The following HACE1 variants were observed in gnomAD, a reference collection of about 807,000 sequenced individuals.
HACE1 encodes the protein E3 ubiquitin-protein ligase HACE1.
HACE1 carries 73 observed loss-of-function variants against 118.4 expected under a neutral mutation model. The ratio of observed to expected loss-of-function variants is 0.62; its 90% CI spans 0.51 to 0.75. HACE1 has a LOEUF of 0.75. Ranked by LOEUF, HACE1 falls within the 30% of genes least tolerant of loss-of-function variation. The pLI is 0.00. For synonymous variants in HACE1, 368 were observed against 374.8 expected (o/e 0.98, Z 0.21); for missense variants, 749 against 1,102.2 (o/e 0.68, Z 4.54).
chr6:104,750,857 T>C (rs1226071479), intron 19 of HACE1, among the ~76,000 whole-genome samples: 1 of 152,162 alleles, frequency 6.6e-6, no homozygotes, highest in Non-Finnish European at 1.5e-5. Flanking sequence ...CTCCACATCT[T>C]AGCCAGAGTG....
intron 9 of HACE1, 78 bp from the exon 10 acceptor site, chr6:104,795,763 G>T: frequency 2.4e-6 from 2 of 843,536 alleles, no homozygotes; most frequent in Non-Finnish European, 4.0e-6. Context: ...TACCTATTAA[G>T]TATCTTAAAG....
intron 19 of HACE1, among the ~76,000 whole-genome samples, chr6:104,764,770 C>T (rs972305251): frequency 6.6e-6 from 1 of 152,200 alleles, no homozygotes; most frequent in African/African-American, 2.4e-5. Context: ...CACTAACAAA[C>T]TCTGAAGGTA....
chr6:104,778,662 G>A lies in HACE1; in HGVS notation c.1567-1345C>T, dbSNP rs565189073. Among the ~76,000 whole-genome samples the A allele has an allele frequency of 7.2e-5, 11 of 152,046 alleles. No homozygotes were observed. The East Asian group carries it at 9.7e-4, about 13-fold the overall frequency. On this transcript the variant is annotated intron_variant, in intron 14 of 23. Coordinates refer to ENST00000262903, the MANE Select transcript of HACE1 (RefSeq NM_020771.4). ...AAAAAAATGTTTTAATTAGCCAAGCGTAGTGGTATGCGCCTACAGTCCTGG... is the reference window on the plus strand; with the variant it reads ...AAAAAAATGTTTTAATTAGCCAAGCATAGTGGTATGCGCCTACAGTCCTGG...
intron 1 of HACE1, among the ~76,000 whole-genome samples, chr6:104,857,846 A>G (rs1175977051): frequency 2.6e-5 from 4 of 151,788 alleles, no homozygotes; most frequent in African/African-American, 9.7e-5. Context: ...AGTCCCAACT[A>G]CTGGGAAGGC....
At chr6:104,849,270 T>C in intron 3 of HACE1, 24 bp from the exon 4 acceptor site, 1 of 1,276,460 alleles carries the variant, frequency 7.8e-7, no homozygotes, top group South Asian at 1.2e-5. Context: ...AAAAGACAGT[T>C]CAGATACATT....
intron 6 of HACE1, among the ~76,000 whole-genome samples, chr6:104,832,413 A>T (rs1774100925): frequency 1.3e-5 from 2 of 151,766 alleles, no homozygotes; most frequent in African/African-American, 2.4e-5. Flanking sequence ...TTGTTGTTTG[A>T]TACAGGCTCT....
chr6:104,811,941 T>C (rs1005876272), intron 6 of HACE1, among the ~76,000 whole-genome samples: 1 of 152,144 alleles, frequency 6.6e-6, no homozygotes, highest in Non-Finnish European at 1.5e-5. Context: ...GAAGCCCTTT[T>C]GCTATTAACA....
At chr6:104,746,529 A>G (rs1777442167) in intron 20 of HACE1, among the ~76,000 whole-genome samples, 1 of 152,208 alleles carries the variant, frequency 6.6e-6, no homozygotes, top group African/African-American at 2.4e-5. Flanking sequence ...TCTTTGCAGT[A>G]GCTATGGCTC....
At position 104,796,179 on chromosome 6, in the gene HACE1, C is replaced by T. The variant is rs530928517; in HGVS notation, c.816+476G>A. Reference sequence around the variant, plus strand: ...AGTGTAGTGGGCAGTGACATGATCTCGGCTCACTGCAGGCTCAACCTCCTG... The same window carrying T: ...AGTGTAGTGGGCAGTGACATGATCTTGGCTCACTGCAGGCTCAACCTCCTG... On this transcript the variant is annotated intron_variant, in intron 9 of 23. Coordinates refer to ENST00000262903, the MANE Select transcript of HACE1 (RefSeq NM_020771.4). Among the ~76,000 whole-genome samples the T allele has an allele frequency of 3.1e-4, 47 of 152,234 alleles. 1 individual carries two copies. Among genetic ancestry groups the T allele is most frequent in the African/African-American group, 1.1e-3 (46 of 41,544 alleles).
At chr6:104,849,896 C>T (rs992154989) in intron 3 of HACE1, among the ~76,000 whole-genome samples, 12 of 150,922 alleles carry the variant, frequency 8.0e-5, no homozygotes, top group African/African-American at 1.7e-4. Context: ...AAGATCCGCC[C>T]GCCTCGGCCT....
chr6:104,829,946 G>A (rs1773695727), intron 6 of HACE1, among the ~76,000 whole-genome samples: 1 of 152,176 alleles, frequency 6.6e-6, no homozygotes, highest in East Asian at 1.9e-4. Flanking sequence ...AACTTCAGAA[G>A]GCAATTCTAA....
intron 17 of HACE1, among the ~76,000 whole-genome samples, chr6:104,776,398 T>C (rs1162808925): frequency 1.3e-5 from 2 of 152,208 alleles, no homozygotes; most frequent in African/African-American, 4.8e-5. Context: ...ATTCAAAAAA[T>C]GTAGACTCAA....
chr6:104,845,573 GT>G (rs1321264137), intron 4 of HACE1, among the ~76,000 whole-genome samples: 1 of 151,028 alleles, frequency 6.6e-6, no homozygotes, highest in African/African-American at 2.4e-5. Context: ...CTCCTCCCAG[GT>G]TCACGCCATT....
chr6:104,799,236 T>C (rs556683217), intron 7 of HACE1, among the ~76,000 whole-genome samples: 1 of 152,354 alleles, frequency 6.6e-6, no homozygotes, highest in East Asian at 1.9e-4. Flanking sequence ...GTCACTATAC[T>C]TTTGAGTTCC....
At chr6:104,816,296 C>T (rs577825414) in intron 6 of HACE1, among the ~76,000 whole-genome samples, 2 of 152,314 alleles carry the variant, frequency 1.3e-5, no homozygotes, top group African/African-American at 4.8e-5. Flanking sequence ...GGCCTGGAGG[C>T]CTAGGAGGGG....
At position 104,821,617 on chromosome 6, in the gene HACE1, T is replaced by C. The variant is rs547849708; in HGVS notation, c.535-10224A>G. ...ATGCATCTTTCGAGGAAGGTGATAT[T>C]CTCTTCACTTTTATAAGCAGGAAAT... On this transcript the variant is annotated intron_variant, in intron 6 of 23. Transcript: ENST00000262903. Among the ~76,000 whole-genome samples, 11 of 152,332 alleles carry C rather than the reference T, an allele frequency of 7.2e-5. No homozygotes were observed. The South Asian group carries it at 2.1e-3, about 29-fold the overall frequency.
chr6:104,742,836 T>C (rs371686569), intron 22 of HACE1, among the ~76,000 whole-genome samples: 12 of 152,014 alleles, frequency 7.9e-5, no homozygotes, highest in East Asian at 1.9e-4. Flanking sequence ...GACTATAAAT[T>C]ATGCTGCTAT....
At chr6:104,750,541 T>C in intron 19 of HACE1, 69 bp from the exon 20 acceptor site, 1 of 1,381,290 alleles carries the variant, frequency 7.2e-7, no homozygotes, top group Non-Finnish European at 1.0e-6. Flanking sequence ...AATATAATTA[T>C]TTCTTATTTA....
intron 2 of HACE1, 93 bp downstream of exon 2, chr6:104,852,224 T>TGTGC (rs1776294608): frequency 9.7e-6 from 7 of 720,220 alleles, no homozygotes; most frequent in South Asian, 7.2e-5. Flanking sequence ...TGTGTGTGTG[T>TGTGC]GTGTGCGCGC....
Sources: allele counts gnomAD v4.1 joint callset (sites outside exome capture counted in the v4.1 genomes callset), GRCh38; gene constraint gnomAD v4.1.1; transcripts MANE v1.5; gene names NCBI Gene and HGNC (gene_info 2026-07-23, HGNC 2026-07-21).